CIB2: variants seen among roughly 807,000 people sequenced by gnomAD.
CIB2 encodes the protein calcium and integrin binding family member 2.
A neutral mutation model predicts 23.1 loss-of-function variants in CIB2; 19 were observed. The ratio of observed to expected loss-of-function variants is 0.82; its 90% confidence interval spans 0.57 to 1.21. The LOEUF (loss-of-function observed/expected upper bound fraction) is 1.21, where lower values mean the gene tolerates loss of function less well. Ranked by LOEUF, CIB2 falls within the 50% of genes most tolerant of loss-of-function variation. CIB2 has a pLI of 0.00. For synonymous variants in CIB2, 94 were observed against 91.7 expected (o/e 1.03, Z -0.14); for missense variants, 220 against 241.5 (o/e 0.91, Z 0.59).
At chr15:78,124,172 A>G (rs1239426231) in intron 1 of CIB2, among the ~76,000 whole-genome samples, 15 of 152,200 alleles carry the variant, frequency 9.9e-5, no homozygotes, top group Middle Eastern at 3.4e-3. Context: ...AGCCCTGAGC[A>G]TGGTGCTAGG....
chr15:78,106,541 C>G (rs773509619), intron 4 of CIB2, among the ~76,000 whole-genome samples: 3 of 152,160 alleles, frequency 2.0e-5, no homozygotes, highest in Non-Finnish European at 4.4e-5. Flanking sequence ...TTTGATTCTA[C>G]CCAGCAAAAG....
chr15:78,130,187 T>C (rs972515902), intron 1 of CIB2, among the ~76,000 whole-genome samples: 2 of 151,946 alleles, frequency 1.3e-5, no homozygotes, highest in African/African-American at 4.8e-5. Context: ...CCCCTCCGCC[T>C]GGGGAGTCAG....
chr15:78,105,518 T>C, intron 5 of CIB2, 186 bp from the exon 6 acceptor site: 1 of 1,485,824 alleles, frequency 6.7e-7, no homozygotes, highest in Non-Finnish European at 8.9e-7. Flanking sequence ...CAGGGAGTTC[T>C]GCCCCCACTT....
At chr15:78,121,074 T>C (rs1390616340) in intron 2 of CIB2, among the ~76,000 whole-genome samples, 1 of 152,124 alleles carries the variant, frequency 6.6e-6, no homozygotes, top group Non-Finnish European at 1.5e-5. Flanking sequence ...GGGGTGAAAC[T>C]GGAATTGAGC....
At chr15:78,126,100 C>T (rs929990014) in intron 1 of CIB2, among the ~76,000 whole-genome samples, 1 of 151,736 alleles carries the variant, frequency 6.6e-6, no homozygotes, top group African/African-American at 2.4e-5. Context: ...CCCAGGAGGG[C>T]TGGGAATGGA....
At chr15:78,108,485 G>A (rs1230304229) in intron 4 of CIB2, among the ~76,000 whole-genome samples, 1 of 152,190 alleles carries the variant, frequency 6.6e-6, no homozygotes, top group African/African-American at 2.4e-5. Context: ...TGTGGGAGAA[G>A]CATGAGTCCT....
At chr15:78,121,065 G>A (rs1227946346) in intron 2 of CIB2, among the ~76,000 whole-genome samples, 2 of 152,172 alleles carry the variant, frequency 1.3e-5, no homozygotes, top group Non-Finnish European at 2.9e-5. Flanking sequence ...AAGCGAAGGG[G>A]GGTGAAACTG....
Position 78,105,148 on chromosome 15 carries a change from C to T in CIB2, c.*163G>A, listed in dbSNP as rs2074046389. 4.0e-6 allele frequency: 4 copies of T among 996,998 alleles called. No individual in the cohort carries two copies. Among genetic ancestry groups the T allele is most frequent in the Non-Finnish European group, 5.9e-6 (4 of 682,162 alleles). 61.8% of individuals were successfully genotyped at this position (996,998 alleles called of 1,614,324 possible). ...AAGGGTCCTAACCTTCACAGGCCCC[C>T]TTCCTGGTTAAGGTTTTTTTTTTGC... On this transcript the variant is annotated 3_prime_UTR_variant, in exon 6 of 6. Coordinates refer to ENST00000258930, the MANE Select transcript of CIB2 (RefSeq NM_006383.4).
rs904179838 is a variant in CIB2 at position 78,117,670 on chromosome 15, G to A, written c.86+6035C>T. Reference sequence around the variant, plus strand: ...TAAACCTGGGTTTCTTAATCAAGATGGTCTGAATTCCCCCAAGGCAACAAC... The same window carrying A: ...TAAACCTGGGTTTCTTAATCAAGATAGTCTGAATTCCCCCAAGGCAACAAC... On this transcript the variant is annotated intron_variant, in intron 2 of 5. Coordinates refer to ENST00000258930, the MANE Select transcript of CIB2 (RefSeq NM_006383.4). Among the ~76,000 whole-genome samples the A allele has an allele frequency of 2.0e-5, 3 of 152,306 alleles. No individual in the cohort carries two copies. In the South Asian group the frequency reaches 6.2e-4, roughly 32 times the overall value.
In CIB2 at chr15:78,109,399, C is replaced by G. The variant is rs1174203539; in HGVS notation, c.199-17G>C. ...GGGATTCTCCTGAAGAAAACACACA[C>G]AGCAATCACTGTGGGTGCAGGATAA... On this transcript the variant is annotated splice_polypyrimidine_tract_variant and intron_variant, in intron 3 of 5. Transcript: ENST00000258930. 3.1e-6 allele frequency: 5 copies of G among 1,613,942 alleles called. No individual in the cohort carries two copies. The highest frequency in any genetic ancestry group is 4.2e-6 in the Non-Finnish European group (5 of 1,180,038).
intron 4 of CIB2, among the ~76,000 whole-genome samples, chr15:78,108,975 G>GCTTAAAAGTC (rs1393801290): frequency 6.6e-6 from 1 of 152,228 alleles, no homozygotes; most frequent in African/African-American, 2.4e-5. Flanking sequence ...TAAAGGTCAT[G>GCTTAAAAGTC]CCTGGGACCC....
At chr15:78,126,324 G>T (rs905370081) in intron 1 of CIB2, among the ~76,000 whole-genome samples, 1 of 152,068 alleles carries the variant, frequency 6.6e-6, no homozygotes, top group Non-Finnish European at 1.5e-5. Context: ...TGTATTCTTA[G>T]TATAGAGATG....
intron 1 of CIB2, among the ~76,000 whole-genome samples, chr15:78,129,476 T>A (rs1187988615): frequency 6.6e-6 from 1 of 151,876 alleles, no homozygotes; most frequent in Non-Finnish European, 1.5e-5. Context: ...CAAGCCTTTA[T>A]CCACGCTGTC....
chr15:78,128,208 C>G (rs2074406941), intron 1 of CIB2, among the ~76,000 whole-genome samples: 1 of 152,132 alleles, frequency 6.6e-6, no homozygotes, highest in Non-Finnish European at 1.5e-5. Context: ...GAGAGAGAGT[C>G]AGGGAGCCCG....
intron 2 of CIB2, among the ~76,000 whole-genome samples, chr15:78,118,180 A>G (rs923794914): frequency 3.3e-5 from 5 of 152,234 alleles, no homozygotes; most frequent in African/African-American, 1.2e-4. Context: ...AAGCTTGTAT[A>G]TATTTATATA....
intron 2 of CIB2, among the ~76,000 whole-genome samples, chr15:78,122,822 G>C (rs547623915): frequency 6.6e-6 from 1 of 152,244 alleles, no homozygotes; most frequent in Non-Finnish European, 1.5e-5. Flanking sequence ...CCTGGGTAGA[G>C]AGGAAAGCCG....
At position 78,123,006 on chromosome 15, in the gene CIB2, C is replaced by T. The variant is rs76739595; in HGVS notation, c.86+699G>A. Among the ~76,000 whole-genome samples, 1,204 of 152,306 alleles carry T rather than the reference C, an allele frequency of 7.9e-3. 7 individuals are homozygous for T. The highest frequency in any genetic ancestry group is 0.02 in the Middle Eastern group (6 of 294). ...CCAGGCAGAGGGGCCTAGTGAGGCC[C>T]GTGGGGCAGTTTTCTTGGTATTCAG... is the stretch of plus-strand genomic sequence containing the variant. On this transcript the variant is annotated intron_variant, in intron 2 of 5. Transcript: ENST00000258930.
At chr15:78,128,754 G>T (rs2074414875) in intron 1 of CIB2, among the ~76,000 whole-genome samples, 1 of 151,880 alleles carries the variant, frequency 6.6e-6, no homozygotes, top group Admixed American at 6.6e-5. Context: ...AACTAAGAGG[G>T]CGGGTGGCTG....
intron 3 of CIB2, 79 bp downstream of exon 3, chr15:78,111,086 T>G (rs1429371076): frequency 1.6e-6 from 2 of 1,229,458 alleles, no homozygotes; most frequent in Non-Finnish European, 2.4e-6. Flanking sequence ...GGAGCTGGGT[T>G]CAGCCTAGAC....
Sources: gnomAD v4.1 joint callset for allele counts (sites outside exome capture counted in the v4.1 genomes callset) on GRCh38, gnomAD v4.1.1 for gene constraint, MANE v1.5 for transcripts, NCBI Gene and HGNC (gene_info 2026-07-23, HGNC 2026-07-21) for gene names.